The following DPP6 variants were observed in gnomAD, a reference collection of about 807,000 sequenced individuals.
The protein encoded by DPP6 is dipeptidyl peptidase like 6, also known as A-type potassium channel modulatory protein DPP6.
In DPP6, 69 loss-of-function variants were observed where a neutral mutation model predicts 122.6. The ratio of observed to expected loss-of-function variants is 0.56; its 90% CI spans 0.46 to 0.69. The LOEUF is 0.69. Ranked by LOEUF, DPP6 falls within the 30% of genes least tolerant of loss-of-function variation. DPP6 has a pLI of 0.00. For synonymous variants in DPP6, 418 were observed against 433.1 expected (o/e 0.97, Z 0.43); for missense variants, 928 against 1,116.9 (o/e 0.83, Z 2.41).
intron 8 of DPP6, among the ~76,000 whole-genome samples, chr7:154,761,926 T>C (rs1326211014): frequency 1.3e-5 from 2 of 152,080 alleles, no homozygotes; most frequent in Non-Finnish European, 2.9e-5. Context: ...TTCCCACCTA[T>C]GAGTGAGAAC....
intron 1 of DPP6, among the ~76,000 whole-genome samples, chr7:154,257,125 T>C (rs1802708606): frequency 6.6e-6 from 1 of 151,582 alleles, no homozygotes; most frequent in Admixed American, 6.6e-5. Context: ...GCCTCCTGAG[T>C]AGCATGTGCC....
the DPP6 span, among the ~76,000 whole-genome samples, chr7:153,826,324 A>G: frequency 6.6e-6 from 1 of 152,220 alleles, no homozygotes; most frequent in African/African-American, 2.4e-5. Flanking sequence ...AAGTGAACAC[A>G]CATTTGGGAT....
the DPP6 span, among the ~76,000 whole-genome samples, chr7:153,775,915 T>G: frequency 2.6e-5 from 4 of 152,166 alleles, no homozygotes. Context: ...TTAAAGAAAT[T>G]TTTAAAAAAG....
At chr7:154,790,296 G>A (rs758340974) in intron 10 of DPP6, among the ~76,000 whole-genome samples, 3 of 152,140 alleles carry the variant, frequency 2.0e-5, no homozygotes, top group Non-Finnish European at 4.4e-5. Flanking sequence ...GTTGCTATGC[G>A]GGTCATGAGG....
chr7:154,277,464 A>G (rs1398050620), intron 1 of DPP6, among the ~76,000 whole-genome samples: 1 of 152,198 alleles, frequency 6.6e-6, no homozygotes, highest in East Asian at 1.9e-4. Flanking sequence ...AATTAAAAAT[A>G]AATTTTAAAA....
intron 16 of DPP6, 55 bp downstream of exon 16, chr7:154,807,167 G>C: frequency 6.3e-7 from 1 of 1,590,572 alleles, no homozygotes; most frequent in Non-Finnish European, 8.5e-7. Context: ...CATTTGCAGG[G>C]AGGGGGTGGG....
At chr7:154,071,169 G>C (rs1386963330) in intron 1 of DPP6, among the ~76,000 whole-genome samples, 6 of 152,170 alleles carry the variant, frequency 3.9e-5, no homozygotes, top group Non-Finnish European at 8.8e-5. Flanking sequence ...CATACTGGTT[G>C]TATTTTTTTG....
chr7:154,057,052 A>G lies in DPP6; in HGVS notation c.243+3989A>G, dbSNP rs191232178. Among the ~76,000 whole-genome samples the G allele has an allele frequency of 1.7e-3, 260 of 152,308 alleles. 1 individual carries two copies. The highest frequency in any genetic ancestry group is 5.9e-3 in the African/African-American group (246 of 41,582). ...TATTGCAGGAGCATGGAGAGTTGCA[A>G]TGTTGCCCTCTCTTGATCCCAGTGG... On this transcript the variant is annotated intron_variant, in intron 1 of 25. Coordinates refer to ENST00000377770, the MANE Select transcript of DPP6 (RefSeq NM_130797.4).
At chr7:154,636,554 C>T (rs1835737796) in intron 5 of DPP6, among the ~76,000 whole-genome samples, 2 of 152,246 alleles carry the variant, frequency 1.3e-5, no homozygotes, top group South Asian at 2.1e-4. Flanking sequence ...TTCCCATCTG[C>T]TGCCCTCAAA....
At chr7:154,763,678 C>T (rs138358580) in intron 8 of DPP6, among the ~76,000 whole-genome samples, 15 of 152,294 alleles carry the variant, frequency 9.8e-5, no homozygotes, top group African/African-American at 3.4e-4. Flanking sequence ...TCTGCAGGAG[C>T]GCATGTGAGA....
chr7:154,494,554 GTTTC>G (rs1461063588), intron 3 of DPP6, among the ~76,000 whole-genome samples: 2 of 151,318 alleles, frequency 1.3e-5, no homozygotes, highest in Non-Finnish European at 2.9e-5. Context: ...TATAATTTTT[GTTTC>G]TTTCTATATT....
chr7:154,437,786 A>G (rs1818993516), intron 1 of DPP6, among the ~76,000 whole-genome samples: 1 of 152,080 alleles, frequency 6.6e-6, no homozygotes, highest in South Asian at 2.1e-4. Context: ...AAATACAAAA[A>G]TTAGCTGGAC....
intron 3 of DPP6, among the ~76,000 whole-genome samples, chr7:154,476,946 T>C (rs1462675844): frequency 6.6e-6 from 1 of 151,956 alleles, no homozygotes; most frequent in Non-Finnish European, 1.5e-5. Context: ...TAGCCAGCCA[T>C]GTGGGACCTC....
chr7:154,008,662 T>C (rs971778916), intron 1 of DPP6, among the ~76,000 whole-genome samples: 11 of 139,996 alleles, frequency 7.9e-5, no homozygotes, highest in African/African-American at 2.2e-4. Flanking sequence ...TCTTTTCTTT[T>C]TTTTTTTTTT....
intron 7 of DPP6, among the ~76,000 whole-genome samples, chr7:154,726,729 A>G (rs1842083878): frequency 1.3e-5 from 2 of 152,338 alleles, no homozygotes; most frequent in South Asian, 2.1e-4. Context: ...TCCTCCCTAG[A>G]AAGTGAGTTT....
At chr7:154,337,178 G>A (rs1038912015) in intron 1 of DPP6, among the ~76,000 whole-genome samples, 2 of 152,194 alleles carry the variant, frequency 1.3e-5, no homozygotes, top group African/African-American at 2.4e-5. Context: ...AGGCAGACTA[G>A]GGACAAGTGA....
chr7:154,622,128 G>A (rs977816614), intron 5 of DPP6, among the ~76,000 whole-genome samples: 1 of 152,126 alleles, frequency 6.6e-6, no homozygotes, highest in Non-Finnish European at 1.5e-5. Context: ...ACCAAGAGAC[G>A]GTAATGAGGG....
In DPP6 at chr7:154,449,771, G is replaced by T. The variant is rs1820193895; in HGVS notation, c.358+3443G>T. Among the ~76,000 whole-genome samples the T allele has an allele frequency of 2.6e-5, 4 of 152,012 alleles. No individual in the cohort carries two copies. The South Asian group carries it at 6.2e-4, about 24-fold the overall frequency. On this transcript the variant is annotated intron_variant, in intron 2 of 25. Coordinates refer to ENST00000377770, the MANE Select transcript of DPP6 (RefSeq NM_130797.4). ...ACCCATAATCCCAGCACTTTGGGAG[G>T]CCAAGGAGGGTGGATCATGAGGTCA...
intron 3 of DPP6, among the ~76,000 whole-genome samples, chr7:154,476,814 T>G (rs552425182): frequency 6.6e-6 from 1 of 152,074 alleles, no homozygotes; most frequent in African/African-American, 2.4e-5. Flanking sequence ...AGAAAATGAG[T>G]GAGCACAGTG....
Sources: allele counts gnomAD v4.1 joint callset (sites outside exome capture counted in the v4.1 genomes callset), GRCh38; gene constraint gnomAD v4.1.1; transcripts MANE v1.5; gene names NCBI Gene and HGNC (gene_info 2026-07-23, HGNC 2026-07-21).